FBXL13: variants seen among roughly 807,000 people sequenced by gnomAD.
The protein encoded by FBXL13 is F-box and leucine-rich repeat protein 13.
Under a neutral mutation model 83.6 loss-of-function variants are expected in FBXL13, and 67 were observed. That is an observed-to-expected ratio of 0.80 (90% confidence interval 0.66 to 0.98). FBXL13 has a LOEUF of 0.98. Among genes scored for constraint, FBXL13 ranks in the 50% least tolerant of loss-of-function variants. The pLI is 0.00. For missense variants in FBXL13, 822 were observed against 866.5 expected (o/e 0.95, Z 0.64); for synonymous variants, 272 against 299.5 (o/e 0.91, Z 0.95).
At chr7:102,942,187 C>T in intron 8 of FBXL13, 3 of 771,976 alleles carry the variant, frequency 3.9e-6, no homozygotes, top group Non-Finnish European at 6.4e-6. Flanking sequence ...AAATGCCAAG[C>T]ACTTTCCTAG....
intron 8 of FBXL13, among the ~76,000 whole-genome samples, chr7:102,962,747 C>G (rs1825439712): frequency 6.6e-6 from 1 of 151,196 alleles, no homozygotes; most frequent in Non-Finnish European, 1.5e-5. Context: ...AAACCAAACA[C>G]CACATATTCT....
intron 2 of FBXL13, among the ~76,000 whole-genome samples, chr7:103,044,364 T>C (rs552791803): frequency 2.6e-5 from 4 of 152,294 alleles, no homozygotes; most frequent in Non-Finnish European, 4.4e-5. Flanking sequence ...TAAAAAGACA[T>C]TTTTGAGACA....
chr7:102,903,221 T>A (rs1215017171), intron 11 of FBXL13, among the ~76,000 whole-genome samples: 1 of 152,156 alleles, frequency 6.6e-6, no homozygotes, highest in Non-Finnish European at 1.5e-5. Flanking sequence ...TTCATATTGT[T>A]CACTGTTGGC....
chr7:102,879,139 A>C (rs1441562106), intron 14 of FBXL13, among the ~76,000 whole-genome samples: 1 of 152,228 alleles, frequency 6.6e-6, no homozygotes, highest in African/African-American at 2.4e-5. Context: ...CCTTCTAAGA[A>C]GCATTTCAGC....
chr7:102,876,775 C>G (rs1179412463), intron 16 of FBXL13, among the ~76,000 whole-genome samples: 1 of 152,042 alleles, frequency 6.6e-6, no homozygotes, highest in Non-Finnish European at 1.5e-5. Context: ...CCTATATCTT[C>G]CTATATCCCT....
At chr7:102,942,188 A>G in intron 8 of FBXL13, 1 of 783,540 alleles carries the variant, frequency 1.3e-6, no homozygotes, top group Non-Finnish European at 2.1e-6. Flanking sequence ...AATGCCAAGC[A>G]CTTTCCTAGA....
chr7:102,860,858 A>C (rs1191222262), intron 16 of FBXL13, among the ~76,000 whole-genome samples: 1 of 152,120 alleles, frequency 6.6e-6, no homozygotes, highest in Non-Finnish European at 1.5e-5. Flanking sequence ...ACTTCATATA[A>C]ATTCACCAAT....
At chr7:102,840,757 T>C (rs1584551209) in intron 17 of FBXL13, among the ~76,000 whole-genome samples, 1 of 152,190 alleles carries the variant, frequency 6.6e-6, no homozygotes, top group Non-Finnish European at 1.5e-5. Context: ...GAATCTGAAA[T>C]TGTATCTATG....
intron 17 of FBXL13, chr7:102,834,458 T>TAC: frequency 2.0e-5 from 1 of 50,088 alleles, no homozygotes; most frequent in East Asian, 7.0e-4. Flanking sequence ...TATGTGATTA[T>TAC]ATATATATAT....
chr7:102,988,817 T>C (rs751961172), intron 6 of FBXL13: 3 of 152,272 alleles, frequency 2.0e-5, no homozygotes, highest in Non-Finnish European at 2.9e-5. Context: ...CTGATCTGAC[T>C]GTGTTAAGTA....
At chr7:103,048,823 T>A (rs1272761696) in intron 2 of FBXL13, among the ~76,000 whole-genome samples, 1 of 152,118 alleles carries the variant, frequency 6.6e-6, no homozygotes, top group Non-Finnish European at 1.5e-5. Flanking sequence ...CTATTTAATT[T>A]AAAACAATCC....
intron 10 of FBXL13, among the ~76,000 whole-genome samples, chr7:102,925,931 ACT>A (rs1818031950): frequency 8.4e-6 from 1 of 119,230 alleles, no homozygotes; most frequent in South Asian, 3.0e-4. Flanking sequence ...ACAGAGCAAG[ACT>A]CTGTCTCAAA....
chr7:103,023,217 A>G (rs1397525837), intron 6 of FBXL13, among the ~76,000 whole-genome samples: 2 of 152,222 alleles, frequency 1.3e-5, no homozygotes, highest in African/African-American at 4.8e-5. Context: ...TGGAGCCTGC[A>G]GTGAGCTGAG....
At chr7:102,821,149 GA>G (rs1798754771) in intron 19 of FBXL13, among the ~76,000 whole-genome samples, 2 of 152,114 alleles carry the variant, frequency 1.3e-5, no homozygotes, top group Admixed American at 1.3e-4. Context: ...AGACTCCTAG[GA>G]CCCTATTTCA....
At chr7:103,024,855 A>ATTTTTTTT (rs1265944529) in intron 6 of FBXL13, among the ~76,000 whole-genome samples, 2 of 86,380 alleles carry the variant, frequency 2.3e-5, no homozygotes, top group African/African-American at 5.5e-5. Flanking sequence ...ATATATATAT[A>ATTTTTTTT]TATTTTTTTT....
chr7:103,001,046 C>G (rs1790338086), intron 6 of FBXL13, among the ~76,000 whole-genome samples: 1 of 152,028 alleles, frequency 6.6e-6, no homozygotes, highest in South Asian at 2.1e-4. Context: ...CTGGGATCAA[C>G]CAATCCTCCC....
At position 102,831,431 on chromosome 7, in the gene FBXL13, A is replaced by ACCCCC. The variant is rs56834945; in HGVS notation, c.1854+1408_1854+1409insGGGGG. Reference sequence around the variant, plus strand: ...CACACACACACACACACACACACACACCCCACTACAGAGAGTTATCTTGTC... The same window carrying ACCCCC: ...CACACACACACACACACACACACACACCCCCCCCCACTACAGAGAGTTATCTTGTC... On this transcript the variant is annotated intron_variant, in intron 18 of 19. Coordinates refer to ENST00000313221, the Ensembl canonical transcript of FBXL13. Among the ~76,000 whole-genome samples the ACCCCC allele has an allele frequency of 4.3e-3, 626 of 147,230 alleles. 7 individuals are homozygous for ACCCCC. The highest frequency in any genetic ancestry group is 0.014 in the African/African-American group (577 of 40,118).
At chr7:102,836,884 C>T (rs1380633215) in intron 17 of FBXL13, among the ~76,000 whole-genome samples, 2 of 152,224 alleles carry the variant, frequency 1.3e-5, no homozygotes, top group African/African-American at 4.8e-5. Context: ...CTTCGTGTTG[C>T]ATACTCATAA....
intron 10 of FBXL13, among the ~76,000 whole-genome samples, chr7:102,923,728 G>T (rs1817537690): frequency 6.6e-6 from 1 of 152,058 alleles, no homozygotes; most frequent in African/African-American, 2.4e-5. Flanking sequence ...GGAGGCTGAG[G>T]CAGGAGAATT....
Sources: gnomAD v4.1 joint callset for allele counts (sites outside exome capture counted in the v4.1 genomes callset) on GRCh38, gnomAD v4.1.1 for gene constraint, MANE v1.5 for transcripts, NCBI Gene and HGNC (gene_info 2026-07-23, HGNC 2026-07-21) for gene names.